Variants in TKTL1 observed in about 807,000 individuals in gnomAD.
TKTL1 encodes the protein transketolase-like protein 1.
Under a neutral mutation model 39.3 loss-of-function variants are expected in TKTL1, and 1 was observed. The observed-to-expected ratio is 0.03, with a 90% CI of 0.01 to 0.12. The LOEUF (loss-of-function observed/expected upper bound fraction) is 0.12. TKTL1 is among the 10% of genes least tolerant of loss of function. TKTL1 has a pLI of 1.00. For missense variants in TKTL1, 575 were observed against 509.6 expected (o/e 1.13, Z -1.24); for synonymous variants, 262 against 193.8 (o/e 1.35, Z -2.92).
rs2067468414 is a variant in TKTL1, at chrX:154,323,462, G to C, written c.1317+125G>C. 9.6e-6 allele frequency: 8 copies of C among 831,443 alleles called. No individual in the cohort carries two copies. In the South Asian group the frequency reaches 2.1e-4, roughly 22 times the overall value. The allele number at this position is 831,443 out of a possible 1,213,427, so 68.5% of individuals were successfully genotyped here. On this transcript the variant is annotated intron_variant, in intron 9 of 12. Transcript: ENST00000369915. ...ATTCATTATAGAAAATTTGGTGATAGAATTCTTTACAAAAAAAACAGGAGA... is the reference window on the plus strand; with the variant it reads ...ATTCATTATAGAAAATTTGGTGATACAATTCTTTACAAAAAAAACAGGAGA...
At chrX:154,304,729 G>A (rs2067301549) in intron 1 of TKTL1, among the ~76,000 whole-genome samples, 1 of 109,618 alleles carries the variant, frequency 9.1e-6, no homozygotes, top group African/African-American at 3.3e-5. Flanking sequence ...TGCAGTTGGG[G>A]CAGAGCTCCA....
chrX:154,324,150 G>GT (rs2067475264), intron 9 of TKTL1, among the ~76,000 whole-genome samples: 2 of 109,697 alleles, frequency 1.8e-5, no homozygotes, highest in African/African-American at 3.4e-5. Flanking sequence ...TTGTTTTTTG[G>GT]GTTTTTTTTC....
intron 6 of TKTL1, among the ~76,000 whole-genome samples, 182 bp from the exon 7 acceptor site, chrX:154,314,991 A>ATTT (rs2067386673): frequency 8.9e-6 from 1 of 111,786 alleles, no homozygotes; most frequent in Admixed American, 9.6e-5. Flanking sequence ...TTTAGTATGG[A>ATTT]TTTAAGATTG....
Position 154,310,854 on chromosome X carries a change from C to A in TKTL1, c.369C>A (p.Leu123=). 1.7e-6 allele frequency: 2 copies of A among 1,211,126 alleles called. No homozygotes were observed. The highest frequency in any genetic ancestry group is 2.3e-4 in the Middle Eastern group (1 of 4,348). Reference sequence around the variant, plus strand: ...GCTCCAGCTACCGGGTGTTCTGCCTCATGAGTGATGGCGAGTCCTCAGAAG... The same window carrying A: ...GCTCCAGCTACCGGGTGTTCTGCCTAATGAGTGATGGCGAGTCCTCAGAAG... ...FDRASYRVFC[L]MSDGESSEGS... Residue 123 remains leucine, a synonymous_variant, in exon 4 of 13, where the codon CTC becomes CTA. Coordinates refer to ENST00000369915, the MANE Select transcript of TKTL1 (RefSeq NM_012253.4).
chrX:154,311,375 A>G, intron 5 of TKTL1, 137 bp downstream of exon 5: 1 of 881,907 alleles, frequency 1.1e-6, no homozygotes, highest in Non-Finnish European at 1.6e-6. Context: ...TATATGTTGG[A>G]GGCTCCTGCT....
chrX:154,313,255 G>C (rs781923718), intron 6 of TKTL1, among the ~76,000 whole-genome samples: 1 of 112,470 alleles, frequency 8.9e-6, no homozygotes, highest in Non-Finnish European at 1.9e-5. Context: ...CTGTGTCTCC[G>C]CTAAGAAGAC....
intron 7 of TKTL1, among the ~76,000 whole-genome samples, chrX:154,318,091 T>A (rs1181633700): frequency 9.0e-6 from 1 of 110,900 alleles, no homozygotes; most frequent in Non-Finnish European, 1.9e-5. Context: ...TTTGTAGAGA[T>A]GGAGTCTTGC....
intron 7 of TKTL1, among the ~76,000 whole-genome samples, chrX:154,317,530 A>G (rs1316021389): frequency 8.9e-6 from 1 of 112,338 alleles, no homozygotes; most frequent in Non-Finnish European, 1.9e-5. Flanking sequence ...GGGGTCTTAT[A>G]GGCGCCCTTT....
intron 1 of TKTL1, among the ~76,000 whole-genome samples, chrX:154,298,403 G>A (rs1053427545): frequency 9.9e-5 from 11 of 111,517 alleles, no homozygotes; most frequent in East Asian, 2.8e-4. Context: ...AGCTAGTTTT[G>A]TTGACCTTTT....
intron 7 of TKTL1, among the ~76,000 whole-genome samples, chrX:154,317,871 A>G (rs1557169669): frequency 1.8e-5 from 2 of 109,869 alleles, no homozygotes; most frequent in Admixed American, 9.6e-5. Flanking sequence ...GGAGAAGTGG[A>G]CTGGAGGGCA....
At chrX:154,325,131 G>A (rs1411988390) in intron 9 of TKTL1, among the ~76,000 whole-genome samples, 1 of 112,207 alleles carries the variant, frequency 8.9e-6, no homozygotes, top group East Asian at 2.8e-4. Context: ...TTGGTGTGAT[G>A]GCATGGGGGA....
intron 1 of TKTL1, among the ~76,000 whole-genome samples, chrX:154,303,691 A>AG (rs1285262419): frequency 1.9e-5 from 2 of 107,253 alleles, no homozygotes; most frequent in South Asian, 8.4e-4. Context: ...CCCCCCTGGA[A>AG]GTCCCCCATA....
At position 154,329,862 on chromosome X, in the gene TKTL1, C is replaced by T. The variant is rs1445973330; in HGVS notation, c.*174C>T. On this transcript the variant is annotated 3_prime_UTR_variant, in exon 13 of 13. Transcript: ENST00000369915. ...TAACTACTTACCCTTTAAACTGTCA[C>T]TGCATATGCAAGTACCGCTCTAATT... The T allele has an allele frequency of 1.9e-5, 9 of 482,321 alleles. No homozygotes were observed. The highest frequency in any genetic ancestry group is 2.7e-5 in the Non-Finnish European group (8 of 300,638). 39.7% of individuals were successfully genotyped at this position (482,321 alleles called of 1,213,427 possible). A position where few individuals can be genotyped will look rare whatever the true frequency, so the allele number is the denominator to read the frequency against.
chrX:154,328,973 T>C (rs2067516429), intron 12 of TKTL1, among the ~76,000 whole-genome samples: 1 of 112,421 alleles, frequency 8.9e-6, no homozygotes, highest in Admixed American at 9.3e-5. Context: ...TGTTCCTGCC[T>C]AAGGGATGCC....
chrX:154,301,902 A>T (rs115501493), intron 1 of TKTL1, among the ~76,000 whole-genome samples: 1,084 of 106,186 alleles, frequency 0.01, 11 homozygotes, highest in African/African-American at 0.034. Flanking sequence ...CTAAGTCCCC[A>T]TTTTCTTTTT....
intron 8 of TKTL1, 101 bp from the exon 9 acceptor site, chrX:154,323,106 G>A: frequency 9.4e-6 from 10 of 1,061,783 alleles, no homozygotes; most frequent in Non-Finnish European, 1.3e-5. Flanking sequence ...GGGACACCCC[G>A]TGGCAATAGG....
intron 1 of TKTL1, 36 bp downstream of exon 1, chrX:154,296,029 G>T (rs1557164359): frequency 8.3e-7 from 1 of 1,202,631 alleles, no homozygotes; most frequent in Non-Finnish European, 1.1e-6. Flanking sequence ...GTCATGCAGG[G>T]CCACGGGCCC....
At chrX:154,298,936 C>T (rs1469119513) in intron 1 of TKTL1, among the ~76,000 whole-genome samples, 3 of 109,572 alleles carry the variant, frequency 2.7e-5, no homozygotes, top group African/African-American at 6.7e-5. Flanking sequence ...TTTCAGACCC[C>T]TGGCCTCAAG....
At chrX:154,297,258 T>C (rs1603350458) in intron 1 of TKTL1, among the ~76,000 whole-genome samples, 1 of 111,684 alleles carries the variant, frequency 9.0e-6, no homozygotes, top group African/African-American at 3.2e-5. Context: ...TTTTGTTTTT[T>C]TTTTCTTTTT....
Sources: gnomAD v4.1 joint callset for allele counts (sites outside exome capture counted in the v4.1 genomes callset) on GRCh38, gnomAD v4.1.1 for gene constraint, MANE v1.5 for transcripts, NCBI Gene and HGNC (gene_info 2026-07-23, HGNC 2026-07-21) for gene names.